PRKN: variants seen among roughly 807,000 people sequenced by gnomAD.
The protein encoded by PRKN is E3 ubiquitin-protein ligase parkin.
PRKN carries 56 observed loss-of-function variants against 59.5 expected under a neutral mutation model. That is an observed-to-expected ratio of 0.94 (90% CI 0.76 to 1.18). PRKN has a LOEUF of 1.18. PRKN is among the 50% of genes most tolerant of loss of function. The probability of loss-of-function intolerance (pLI) is 0.00; values close to 1 mark genes in which losing one functional copy is unlikely to be tolerated. For missense variants in PRKN, 657 were observed against 596.4 expected, an observed-to-expected ratio of 1.10 and a Z score of -1.06; for synonymous variants, 250 against 222.1, an observed-to-expected ratio of 1.13 and a Z score of -1.12.
At chr6:162,663,111 C>T (rs943749932) in intron 1 of PRKN, among the ~76,000 whole-genome samples, 1 of 152,188 alleles carries the variant, frequency 6.6e-6, no homozygotes, top group Non-Finnish European at 1.5e-5. Flanking sequence ...CTGTGCACAA[C>T]CCACCAGCCG....
chr6:161,744,457 G>A (rs772510033), intron 7 of PRKN, among the ~76,000 whole-genome samples: 3 of 152,138 alleles, frequency 2.0e-5, no homozygotes, highest in Non-Finnish European at 4.4e-5. Flanking sequence ...GGAGATGTGT[G>A]CCTCCTGCTG....
At chr6:162,339,754 G>A (rs1784075783) in intron 2 of PRKN, among the ~76,000 whole-genome samples, 2 of 151,950 alleles carry the variant, frequency 1.3e-5, no homozygotes, top group Admixed American at 1.3e-4. Context: ...TGTGTAGAAA[G>A]AAGTAGACAT....
intron 9 of PRKN, among the ~76,000 whole-genome samples, chr6:161,542,983 G>C: frequency 6.6e-6 from 1 of 152,100 alleles, no homozygotes. Context: ...AAATTGGCTT[G>C]AATAAGAAAA....
At chr6:161,826,806 G>A (rs1277197888) in intron 6 of PRKN, among the ~76,000 whole-genome samples, 2 of 152,194 alleles carry the variant, frequency 1.3e-5, no homozygotes, top group South Asian at 4.1e-4. Context: ...CACGCTGAGT[G>A]AGTTTTAGGG....
chr6:162,713,485 C>G (rs553354019), intron 1 of PRKN, among the ~76,000 whole-genome samples: 1 of 120,680 alleles, frequency 8.3e-6, no homozygotes, highest in Non-Finnish European at 1.7e-5. Context: ...CAGAGTGAGA[C>G]TCCACCTCAA....
chr6:161,531,050 C>T (rs1779186727), intron 9 of PRKN, among the ~76,000 whole-genome samples: 1 of 152,080 alleles, frequency 6.6e-6, no homozygotes, highest in East Asian at 1.9e-4. Context: ...TACCTGAATG[C>T]AAGTTCCGTA....
At chr6:161,524,937 T>C (rs1010028317) in intron 9 of PRKN, among the ~76,000 whole-genome samples, 5 of 152,168 alleles carry the variant, frequency 3.3e-5, no homozygotes, top group Admixed American at 2.0e-4. Context: ...CCGTTTGATG[T>C]AGGAGATCAC....
At position 161,549,153 on chromosome 6, in the gene PRKN, G is replaced by A; in HGVS notation, c.934-150C>T. 1 of 818,934 alleles carries A rather than the reference G, an allele frequency of 1.2e-6. No homozygotes were observed. The highest frequency in any genetic ancestry group is 2.1e-5 in the Admixed American group (1 of 48,734). The allele number at this position is 818,934 out of a possible 1,614,324, so 50.7% of individuals were successfully genotyped here. A position where few individuals can be genotyped will look rare whatever the true frequency, so the allele number is the denominator to read the frequency against. On this transcript the variant is annotated intron_variant, in intron 8 of 11. Transcript: ENST00000366898. This position sits in a 1 kb window ranked among gnomAD's most constrained non-coding sequence, Gnocchi z 6.0. Reference sequence around the variant, plus strand: ...GTGTGTGTGTGTGTAGGGGGAGGGAGAGGGCCACGGGGTTGATAGGGGAGG... The same window carrying A: ...GTGTGTGTGTGTGTAGGGGGAGGGAAAGGGCCACGGGGTTGATAGGGGAGG...
chr6:162,618,223 A>G (rs1392482712), intron 1 of PRKN, among the ~76,000 whole-genome samples: 2 of 152,164 alleles, frequency 1.3e-5, no homozygotes, highest in Non-Finnish European at 2.9e-5. Flanking sequence ...TCAAATTTCA[A>G]TATTTTAAGG....
rs144933861 is a variant in PRKN at position 161,735,497 on chromosome 6, A to G, written c.871+50275T>C. On this transcript the variant is annotated intron_variant, in intron 7 of 11. Transcript: ENST00000366898. The stretch of plus-strand genomic sequence containing the variant: ...ATTTTCGTCATCAGTAAGGTTTTCA[A>G]TGAAGAATCAACTATTAGTTGTTAA... 2.0e-4 allele frequency among the ~76,000 whole-genome samples: 31 copies of G among 152,340 alleles called. No homozygotes were observed. In the East Asian group the frequency reaches 5.8e-3, roughly 28 times the overall value.
intron 6 of PRKN, among the ~76,000 whole-genome samples, chr6:161,844,463 G>C (rs999424437): frequency 6.6e-6 from 1 of 152,212 alleles, no homozygotes; most frequent in East Asian, 1.9e-4. Context: ...GTCTCTCTAC[G>C]GAGCTGGACG....
intron 6 of PRKN, among the ~76,000 whole-genome samples, chr6:161,929,344 A>C (rs533442449): frequency 1.3e-5 from 2 of 152,240 alleles, no homozygotes; most frequent in Non-Finnish European, 2.9e-5. Flanking sequence ...TGATTGCCAG[A>C]GGCTGGGAAG....
At chr6:162,168,631 A>G (rs191349704) in intron 4 of PRKN, among the ~76,000 whole-genome samples, 2 of 151,930 alleles carry the variant, frequency 1.3e-5, no homozygotes, top group East Asian at 3.9e-4. Flanking sequence ...AATGGCAAAA[A>G]TGTGTCAACA....
At chr6:161,768,563 C>CA (rs200393446) in intron 7 of PRKN, among the ~76,000 whole-genome samples, 2,007 of 151,618 alleles carry the variant, frequency 0.013, 21 homozygotes, top group South Asian at 0.041. Flanking sequence ...GATAGAAAAA[C>CA]AAAAAAAATT....
At chr6:161,750,823 G>C (rs1177748468) in intron 7 of PRKN, among the ~76,000 whole-genome samples, 1 of 151,082 alleles carries the variant, frequency 6.6e-6, no homozygotes, top group African/African-American at 2.4e-5. Context: ...TTTAATAGAT[G>C]AATCAATAAG....
chr6:161,814,705 T>C (rs1333876983), intron 6 of PRKN, among the ~76,000 whole-genome samples: 1 of 152,174 alleles, frequency 6.6e-6, no homozygotes, highest in Non-Finnish European at 1.5e-5. Context: ...TTTCTCCATG[T>C]TGGTCAGGCT....
intron 5 of PRKN, among the ~76,000 whole-genome samples, chr6:162,005,241 G>C (rs7452475): frequency 0.79 from 120,864 of 152,166 alleles, 48,855 homozygotes; most frequent in African/African-American, 0.95. Flanking sequence ...TTAGTTTGGT[G>C]TGCATTTGAC....
Position 161,702,706 on chromosome 6 carries a change from T to C in PRKN, c.871+83066A>G, listed in dbSNP as rs143211156. ...TGGTTAAAATGGTAATTTTAGGCTA[T>C]GTATATTTTACCACAATAAAACAAT... On this transcript the variant is annotated intron_variant, in intron 7 of 11. Transcript: ENST00000366898. Among the ~76,000 whole-genome samples the C allele has an allele frequency of 2.0e-3, 300 of 152,288 alleles. 1 individual carries two copies. The highest frequency in any genetic ancestry group is 6.9e-3 in the African/African-American group (288 of 41,552).
chr6:161,960,149 C>T (rs535089319), intron 6 of PRKN, among the ~76,000 whole-genome samples: 92 of 152,262 alleles, frequency 6.0e-4, no homozygotes, highest in African/African-American at 2.2e-3. Flanking sequence ...GGTGCCACCA[C>T]ACTGGAAAAA....
Sources: gnomAD v4.1 joint callset for allele counts (sites outside exome capture counted in the v4.1 genomes callset) on GRCh38, gnomAD v4.1.1 for gene constraint, Gnocchi (gnomAD v3.1) non-coding constraint, MANE v1.5 for transcripts, NCBI Gene and HGNC (gene_info 2026-07-23, HGNC 2026-07-21) for gene names.